The following GRIN2A variants were observed in gnomAD, a reference collection of about 807,000 sequenced individuals.
GRIN2A encodes glutamate ionotropic receptor NMDA type subunit 2A, also known as glutamate receptor ionotropic, NMDA 2A.
In GRIN2A, 22 loss-of-function variants were observed where a neutral mutation model predicts 113.4. The ratio of observed to expected loss-of-function variants is 0.19; its 90% CI spans 0.14 to 0.28. GRIN2A has a LOEUF of 0.28. GRIN2A is among the 10% of genes least tolerant of loss of function. The probability of loss-of-function intolerance (pLI) is 1.00; values close to 1 mark genes in which losing one functional copy is unlikely to be tolerated. For synonymous variants in GRIN2A, 827 were observed against 738.4 expected, an observed-to-expected ratio of 1.12 and a Z score of -1.94; for missense variants, 1,502 against 1,887.0, an observed-to-expected ratio of 0.80 and a Z score of 3.78.
chr16:9,769,131 A>G lies in GRIN2A; in HGVS notation c.2357-42T>C, dbSNP rs375916384. On this transcript the variant is annotated intron_variant, in intron 11 of 12. Coordinates refer to ENST00000330684, the MANE Select transcript of GRIN2A (RefSeq NM_001134407.3). ...ATTCACAGGCAGTGAGGACCAGAACATGCACTTTGGGGCAGACGCTTCTGG... is the reference window on the plus strand; with the variant it reads ...ATTCACAGGCAGTGAGGACCAGAACGTGCACTTTGGGGCAGACGCTTCTGG... 436 of 1,479,876 alleles carry G rather than the reference A, an allele frequency of 2.9e-4. 2 individuals carry two copies. Among genetic ancestry groups the G allele is most frequent in the South Asian group, 2.6e-3 (226 of 88,372 alleles). 91.7% of individuals were successfully genotyped at this position (1,479,876 alleles called of 1,614,324 possible). A position where few individuals can be genotyped will look rare whatever the true frequency, so the allele number is the denominator to read the frequency against.
rs545214366 is a variant in GRIN2A, at chr16:9,918,874, G to A, written c.1007+19085C>T. Among the ~76,000 whole-genome samples the A allele has an allele frequency of 3.3e-5, 5 of 152,078 alleles. No individual in the cohort carries two copies. In the South Asian group the frequency reaches 8.3e-4, roughly 25 times the overall value. ...AATTAAACCACTACGGGCGTTTAGT[G>A]GTTAATGTCTGAAATTGGAGCGGCG... On this transcript the variant is annotated intron_variant, in intron 3 of 12. Transcript: ENST00000330684.
chr16:9,918,866 C>T (rs551114836), intron 3 of GRIN2A, among the ~76,000 whole-genome samples: 17 of 151,320 alleles, frequency 1.1e-4, no homozygotes, highest in South Asian at 1.0e-3. Flanking sequence ...CCACTACGGG[C>T]GTTTAGTGGT....
intron 2 of GRIN2A, among the ~76,000 whole-genome samples, chr16:10,080,315 A>C (rs2047954188): frequency 1.3e-5 from 2 of 152,174 alleles, no homozygotes; most frequent in South Asian, 4.1e-4. Flanking sequence ...AGCCACCAAA[A>C]GGCACCTTTT....
chr16:10,171,299 C>T (rs1026691083), intron 2 of GRIN2A, among the ~76,000 whole-genome samples: 3 of 152,232 alleles, frequency 2.0e-5, no homozygotes, highest in Non-Finnish European at 2.9e-5. Context: ...AAACAAATAC[C>T]GTTGGAGCTG....
chr16:10,142,076 C>A (rs1386243564), intron 2 of GRIN2A, among the ~76,000 whole-genome samples: 5 of 152,186 alleles, frequency 3.3e-5, no homozygotes, highest in East Asian at 1.9e-4. Flanking sequence ...TTCTTCCAGG[C>A]TACCTGTTCT....
At chr16:10,126,201 C>A (rs886887936) in intron 2 of GRIN2A, among the ~76,000 whole-genome samples, 2 of 150,830 alleles carry the variant, frequency 1.3e-5, no homozygotes, top group African/African-American at 4.9e-5. Context: ...CTCGCTCTGT[C>A]GCCCAGGCTG....
At chr16:10,011,130 G>A (rs1180234691) in intron 2 of GRIN2A, among the ~76,000 whole-genome samples, 1 of 152,176 alleles carries the variant, frequency 6.6e-6, no homozygotes, top group African/African-American at 2.4e-5. Context: ...TCTTATTTAT[G>A]AATCAGTTTG....
At chr16:10,178,564 G>A (rs2142382065) in intron 2 of GRIN2A, among the ~76,000 whole-genome samples, 1 of 152,256 alleles carries the variant, frequency 6.6e-6, no homozygotes, top group South Asian at 2.1e-4. Context: ...TCCCAGACAG[G>A]AGCCCCCCAA....
intron 2 of GRIN2A, among the ~76,000 whole-genome samples, chr16:10,146,495 C>T (rs1344752497): frequency 1.3e-5 from 2 of 152,076 alleles, no homozygotes; most frequent in Admixed American, 1.3e-4. Flanking sequence ...TTAGCCTATT[C>T]CTCACCATCT....
intron 11 of GRIN2A, among the ~76,000 whole-genome samples, chr16:9,785,698 C>A (rs973311835): frequency 6.6e-6 from 1 of 151,862 alleles, no homozygotes; most frequent in Non-Finnish European, 1.5e-5. Flanking sequence ...CAATTTAGAA[C>A]ACTAGATAAA....
At chr16:10,005,028 A>C (rs944704976) in intron 2 of GRIN2A, among the ~76,000 whole-genome samples, 12 of 152,244 alleles carry the variant, frequency 7.9e-5, no homozygotes, top group African/African-American at 2.4e-4. Flanking sequence ...AAGTAAAACG[A>C]AAATTTATTT....
chr16:9,767,882 T>G (rs940044241), intron 12 of GRIN2A, among the ~76,000 whole-genome samples: 8 of 152,316 alleles, frequency 5.3e-5, no homozygotes, highest in Middle Eastern at 3.4e-3. Context: ...ACATATTCCA[T>G]AGCATTGCAA....
chr16:10,144,713 A>G (rs1336085019), intron 2 of GRIN2A, among the ~76,000 whole-genome samples: 2 of 152,124 alleles, frequency 1.3e-5, no homozygotes, highest in African/African-American at 2.4e-5. Flanking sequence ...ATGTCCATCA[A>G]GAGATGAATG....
At chr16:9,911,129 A>G (rs1313041961) in intron 3 of GRIN2A, among the ~76,000 whole-genome samples, 1 of 152,226 alleles carries the variant, frequency 6.6e-6, no homozygotes, top group East Asian at 1.9e-4. Context: ...AGGAGCTAAC[A>G]GCAGCCTTAA....
In GRIN2A at chr16:9,763,436, A is replaced by G. The variant is rs1443062815; in HGVS notation, c.4108T>C (p.Ser1370Pro). Residue 1370 changes from serine (S) to proline (P), a missense_variant, in exon 13 of 13, where the codon TCC becomes CCC. Ser to Pro is a moderately conservative substitution (Grantham distance 74). Transcript: ENST00000330684. ...ACCAAGCGTTGGTCATCCCTGTGGG[A>G]GTGGAGGAAAGGGTTATCGGAGGTG... is the stretch of plus-strand genomic sequence containing the variant. ...DHTSDNPFLH[S>P]HRDDQRLVIG... 2 of 1,613,870 alleles carry G rather than the reference A, an allele frequency of 1.2e-6. No homozygotes were observed. Among genetic ancestry groups the G allele is most frequent in the Non-Finnish European group, 8.5e-7 (1 of 1,179,936 alleles).
chr16:9,834,090 T>C lies in GRIN2A; in HGVS notation c.1777+15A>G. On this transcript the variant is annotated intron_variant, in intron 8 of 12. Coordinates refer to ENST00000330684, the MANE Select transcript of GRIN2A (RefSeq NM_001134407.3). ...TTGCAACAACATTGAATCATGCTCA[T>C]GAAGGTACCCTTACCTTTCCCTTTG... is the stretch of plus-strand genomic sequence containing the variant. 6.2e-7 allele frequency: 1 copy of C among 1,611,572 alleles called. No individual in the cohort carries two copies. The highest frequency in any genetic ancestry group is 8.5e-7 in the Non-Finnish European group (1 of 1,177,654).
chr16:9,977,836 C>G (rs1014346282), intron 2 of GRIN2A, among the ~76,000 whole-genome samples: 1 of 152,090 alleles, frequency 6.6e-6, no homozygotes, highest in Non-Finnish European at 1.5e-5. Context: ...AGCTCAATCT[C>G]AGCTCCAAGC....
intron 3 of GRIN2A, among the ~76,000 whole-genome samples, chr16:9,894,522 G>A (rs1473008347): frequency 6.6e-6 from 1 of 152,018 alleles, no homozygotes; most frequent in Non-Finnish European, 1.5e-5. Context: ...AAATGAACAT[G>A]GTCCAGATAC....
intron 2 of GRIN2A, chr16:10,112,818 AC>A: frequency 1.5e-6 from 1 of 648,836 alleles, no homozygotes. Context: ...TGAGAAGTGG[AC>A]CATGTCAGCC....
Sources: allele counts gnomAD v4.1 joint callset (sites outside exome capture counted in the v4.1 genomes callset), GRCh38; gene constraint gnomAD v4.1.1; transcripts MANE v1.5; gene names NCBI Gene and HGNC (gene_info 2026-07-23, HGNC 2026-07-21).